Variants in MARCHF8 observed in about 807,000 individuals in gnomAD.
MARCHF8 encodes the protein membrane associated ring-CH-type finger 8.
A neutral mutation model predicts 51.6 loss-of-function variants in MARCHF8; 40 were observed. That is an observed-to-expected ratio of 0.77 (90% CI 0.60 to 1.01). The LOEUF (loss-of-function observed/expected upper bound fraction) is 1.01. MARCHF8 is among the 50% of genes least tolerant of loss of function. The pLI, the probability that MARCHF8 is intolerant of heterozygous loss-of-function variation, is 0.00. For synonymous variants in MARCHF8, 263 were observed against 280.3 expected (o/e 0.94, Z 0.62); for missense variants, 685 against 708.6 (o/e 0.97, Z 0.38).
chr10:45,458,414 C>G lies in MARCHF8; in HGVS notation c.1547G>C (p.Arg516Thr), dbSNP rs1276611409. 9 of 1,614,048 alleles carry G rather than the reference C, an allele frequency of 5.6e-6. No individual in the cohort carries two copies. The highest frequency in any genetic ancestry group is 7.6e-6 in the Non-Finnish European group (9 of 1,180,046). ...TGGACAGTTTTGAACATAGATCACT[C>G]TATTATAGGCCTTGAGTCTCTTCCA... is the stretch of plus-strand genomic sequence containing the variant. ...QLWKRLKAYN[R>T]VIYVQNCPET... is the part of the protein sequence containing the mutation. Residue 516 changes from arginine to threonine, a missense_variant, in exon 8 of 8, where the codon AGA becomes ACA. Physicochemically the swap from Arg to Thr is moderately conservative, Grantham distance 71. Coordinates refer to ENST00000453424, the MANE Select transcript of MARCHF8 (RefSeq NM_001282866.2).
At chr10:45,504,868 G>A (rs776928442) in intron 2 of MARCHF8, among the ~76,000 whole-genome samples, 13 of 152,076 alleles carry the variant, frequency 8.5e-5, no homozygotes, top group Admixed American at 3.3e-4. Context: ...CCCTTACTGC[G>A]TCCCTCTTCC....
chr10:45,469,707 T>C (rs1843097976), intron 3 of MARCHF8, among the ~76,000 whole-genome samples: 1 of 151,036 alleles, frequency 6.6e-6, no homozygotes, highest in Admixed American at 6.6e-5. Flanking sequence ...CTACTAAAAA[T>C]ACAAAAAATT....
In MARCHF8 at chr10:45,513,954, T is replaced by G. The variant is rs558099708; in HGVS notation, c.102+19156A>C. Among the ~76,000 whole-genome samples the G allele has an allele frequency of 2.6e-5, 4 of 152,328 alleles. 1 individual carries two copies. In the South Asian group the frequency reaches 8.3e-4, roughly 32 times the overall value. ...CAATAGAGCCTGAAGGTGCGTTCAT[T>G]AAAATTATGAACTCAGTTGTCTTTC... On this transcript the variant is annotated intron_variant, in intron 2 of 7. Coordinates refer to ENST00000453424, the MANE Select transcript of MARCHF8 (RefSeq NM_001282866.2).
intron 2 of MARCHF8, 148 bp downstream of exon 2, chr10:45,532,962 G>C (rs993724631): frequency 1.4e-5 from 7 of 512,772 alleles, no homozygotes; most frequent in African/African-American, 1.2e-4. Context: ...TCTACAAAAA[G>C]ACAATTCCTT....
intron 1 of MARCHF8, among the ~76,000 whole-genome samples, chr10:45,544,796 A>G (rs2044099875): frequency 6.8e-6 from 1 of 146,438 alleles, no homozygotes; most frequent in African/African-American, 2.5e-5. Flanking sequence ...AAATTTATTA[A>G]TCACTGAATT....
intron 1 of MARCHF8, among the ~76,000 whole-genome samples, chr10:45,568,312 A>G (rs1589184704): frequency 6.6e-6 from 1 of 152,182 alleles, no homozygotes; most frequent in Non-Finnish European, 1.5e-5. Context: ...ACTGCATTGA[A>G]TAACAGTGGT....
At chr10:45,536,031 A>T (rs75668090), upstream of MARCHF8, among the ~76,000 whole-genome samples, 577 of 152,338 alleles carry the variant, frequency 3.8e-3, 12 homozygotes, top group East Asian at 0.053. Flanking sequence ...AACTGAGCTG[A>T]CTTCTTTACA....
intron 2 of MARCHF8, among the ~76,000 whole-genome samples, chr10:45,503,364 C>T (rs920839765): frequency 5.3e-5 from 8 of 151,868 alleles, no homozygotes; most frequent in African/African-American, 1.7e-4. Context: ...GGTAAAACCC[C>T]GTCTCTACTA....
At chr10:45,497,830 A>G (rs2043200272) in intron 2 of MARCHF8, among the ~76,000 whole-genome samples, 1 of 152,226 alleles carries the variant, frequency 6.6e-6, no homozygotes, top group Admixed American at 6.5e-5. Flanking sequence ...AAGATTAAAG[A>G]AAGGTACAGA....
intron 1 of MARCHF8, among the ~76,000 whole-genome samples, chr10:45,583,327 A>G (rs930767723): frequency 6.6e-6 from 1 of 152,196 alleles, no homozygotes; most frequent in Non-Finnish European, 1.5e-5. Context: ...CCACTATCCA[A>G]TTTAAATCTC....
intron 2 of MARCHF8, among the ~76,000 whole-genome samples, chr10:45,528,711 C>T (rs2043831029): frequency 6.6e-6 from 1 of 152,042 alleles, no homozygotes. Context: ...AAATCAAGAA[C>T]CAAACCAAGA....
intron 3 of MARCHF8, among the ~76,000 whole-genome samples, chr10:45,478,176 A>G (rs35349326): frequency 0.062 from 9,445 of 152,300 alleles, 333 homozygotes; most frequent in Non-Finnish European, 0.067. Context: ...AAGTCTCAAC[A>G]AAGTTTTTAA....
intron 2 of MARCHF8, among the ~76,000 whole-genome samples, chr10:45,511,553 G>A (rs903814605): frequency 3.3e-5 from 5 of 152,216 alleles, no homozygotes; most frequent in South Asian, 2.1e-4. Context: ...GATTACAGGC[G>A]CGCGCCGCCA....
At chr10:45,526,864 ATCTTAAG>A (rs2043802850) in intron 2 of MARCHF8, among the ~76,000 whole-genome samples, 1 of 152,194 alleles carries the variant, frequency 6.6e-6, no homozygotes, top group Non-Finnish European at 1.5e-5. Context: ...GACAGACCTT[ATCTTAAG>A]GAATGAAGCA....
At chr10:45,511,725 G>C (rs558371835) in intron 2 of MARCHF8, among the ~76,000 whole-genome samples, 1 of 152,314 alleles carries the variant, frequency 6.6e-6, no homozygotes, top group African/African-American at 2.4e-5. Flanking sequence ...TGGTGCCCAG[G>C]CTGGAGTGCA....
chr10:45,526,725 GA>G (rs886516059), intron 2 of MARCHF8, among the ~76,000 whole-genome samples: 27 of 140,594 alleles, frequency 1.9e-4, no homozygotes, highest in Admixed American at 4.9e-4. Context: ...GAAAAAAAAA[GA>G]AAAAAAAAAC....
At chr10:45,482,861 C>A (rs959867098) in intron 3 of MARCHF8, among the ~76,000 whole-genome samples, 15 of 152,156 alleles carry the variant, frequency 9.9e-5, no homozygotes, top group African/African-American at 2.9e-4. Context: ...AACTGATTTT[C>A]AACAAAGGTA....
intron 1 of MARCHF8, among the ~76,000 whole-genome samples, chr10:45,552,289 G>A (rs1323965695): frequency 6.7e-6 from 1 of 149,954 alleles, no homozygotes; most frequent in African/African-American, 2.5e-5. Context: ...ATTACTAACT[G>A]GCACACAGGT....
upstream of MARCHF8, among the ~76,000 whole-genome samples, chr10:45,537,176 A>T (rs2043985452): frequency 6.6e-6 from 1 of 152,232 alleles, no homozygotes; most frequent in African/African-American, 2.4e-5. Context: ...TCATATGAAA[A>T]CTTGTCCATG....
Sources: gnomAD v4.1 joint callset for allele counts (sites outside exome capture counted in the v4.1 genomes callset) on GRCh38, gnomAD v4.1.1 for gene constraint, MANE v1.5 for transcripts, NCBI Gene and HGNC (gene_info 2026-07-23, HGNC 2026-07-21) for gene names.